Variants in MCM5 observed in about 807,000 individuals in gnomAD.
The protein encoded by MCM5 is minichromosome maintenance complex component 5.
Under a neutral mutation model 79.9 loss-of-function variants are expected in MCM5, and 46 were observed. The observed-to-expected ratio is 0.58, with a 90% CI of 0.45 to 0.74. MCM5 has a LOEUF of 0.74. MCM5 is among the 30% of genes least tolerant of loss of function. MCM5 has a pLI of 0.00. For synonymous variants in MCM5, 404 were observed against 390.5 expected (o/e 1.03, Z -0.41); for missense variants, 883 against 1,017.0 (o/e 0.87, Z 1.79).
At chr22:35,410,528 G>T (rs1932347769) in intron 6 of MCM5, 2 of 543,720 alleles carry the variant, frequency 3.7e-6, no homozygotes, top group Non-Finnish European at 6.8e-6. Flanking sequence ...GTCACTGTGG[G>T]CAACACCATC....
At chr22:35,401,839 C>CG (rs1289108118) in intron 2 of MCM5, 6 of 387,132 alleles carry the variant, frequency 1.5e-5, no homozygotes, top group South Asian at 3.8e-5. Flanking sequence ...GGAAGTTTTC[C>CG]GGGGGGCTGA....
chr22:35,400,641 G>C (rs781583954), intron 2 of MCM5, 36 bp downstream of exon 2: 2 of 1,547,856 alleles, frequency 1.3e-6, no homozygotes, highest in Non-Finnish European at 1.7e-6. Context: ...TCGAGTTCCA[G>C]TGTGGCCGCT....
the MCM5 span, among the ~76,000 whole-genome samples, chr22:35,453,815 TATATAGAGAG>T: frequency 2.2e-5 from 2 of 89,190 alleles, no homozygotes. Context: ...TATATATATA[TATATAGAGAG>T]AGAGAGAGAG....
At chr22:35,431,488 A>G in the MCM5 span, among the ~76,000 whole-genome samples, 1 of 152,172 alleles carries the variant, frequency 6.6e-6, no homozygotes, top group African/African-American at 2.4e-5. Context: ...TGGGTAGCGC[A>G]TGGGTGAAAA....
chr22:35,444,198 A>AAG, the MCM5 span, among the ~76,000 whole-genome samples: 10 of 150,428 alleles, frequency 6.6e-5, no homozygotes, highest in African/African-American at 2.5e-4. Context: ...GAACAGAGAA[A>AAG]AGAGAGAGGA....
chr22:35,400,713 G>A, intron 2 of MCM5, 108 bp downstream of exon 2: 1 of 1,270,208 alleles, frequency 7.9e-7, no homozygotes, highest in South Asian at 1.5e-5. Flanking sequence ...GCCCAGACGG[G>A]GGAAAGAGCC....
At chr22:35,436,164 CAAAA>C in the MCM5 span, among the ~76,000 whole-genome samples, 8 of 61,072 alleles carry the variant, frequency 1.3e-4, no homozygotes, top group Non-Finnish European at 2.9e-4. Context: ...AACTCAGTCT[CAAAA>C]AAAAAAAAAA....
At chr22:35,425,913 A>G (rs756626414), downstream of MCM5, among the ~76,000 whole-genome samples, 9 of 152,100 alleles carry the variant, frequency 5.9e-5, no homozygotes, top group Non-Finnish European at 1.3e-4. Flanking sequence ...CAAGTGTCAC[A>G]GTGAGGGAGT....
the MCM5 span, among the ~76,000 whole-genome samples, chr22:35,450,193 C>T: frequency 5.3e-5 from 8 of 152,052 alleles, no homozygotes; most frequent in Non-Finnish European, 7.4e-5. Flanking sequence ...GGGACTGTCA[C>T]GAGAATTAGA....
chr22:35,401,591 C>T (rs1307669154), intron 2 of MCM5: 2 of 470,758 alleles, frequency 4.2e-6, no homozygotes, highest in Non-Finnish European at 8.8e-6. Flanking sequence ...TGAGTGACTT[C>T]CAGGTGTCAG....
chr22:35,425,156 G>A lies in MCM5; in HGVS notation c.*901G>A, dbSNP rs555030474. The stretch of plus-strand genomic sequence containing the variant: ...GCTGGAGGAAGGAGTGTTGCCAAGT[G>A]CCTCGGTCACTTTGCCTAATTTCAG... On this transcript the variant is annotated 3_prime_UTR_variant, in exon 17 of 17. Transcript: ENST00000216122. The A allele has an allele frequency of 1.2e-4, 19 of 152,332 alleles. No homozygotes were observed. Among genetic ancestry groups the A allele is most frequent in the Admixed American group, 3.9e-4 (6 of 15,302 alleles). 9.4% of individuals were successfully genotyped at this position (152,332 alleles called of 1,614,324 possible). A position where few individuals can be genotyped will look rare whatever the true frequency, so the allele number is the denominator to read the frequency against.
At chr22:35,415,085 G>A (rs1022462016) in intron 9 of MCM5, among the ~76,000 whole-genome samples, 9 of 152,038 alleles carry the variant, frequency 5.9e-5, no homozygotes, top group African/African-American at 1.7e-4. Context: ...AGCTGGGTGC[G>A]GTTGTGTGCA....
rs1191386424 is a variant in MCM5 at position 35,421,445 on chromosome 22, T to C, written c.1960T>C (p.Ser654Pro). The C allele has an allele frequency of 6.2e-7, 1 of 1,614,008 alleles. No individual in the cohort carries two copies. Among genetic ancestry groups the C allele is most frequent in the African/African-American group, 1.3e-5 (1 of 74,944 alleles). ...AGTGTCCACGTTGGATGCTGCCTTG[T>C]CCGGTACCCTGTCAGGTGAGCAGAT... is the stretch of plus-strand genomic sequence containing the variant. ...FQVSTLDAAL[S>P]GTLSGVEGFT... The change falls in exon 15 of 17, where the codon TCC becomes CCC. Residue 654 changes from serine (S) to proline (P), a missense_variant. This residue lies in a region of MCM5 where 426 missense variants were observed against 482.3 expected (regional missense o/e 0.88). Coordinates refer to ENST00000216122, the MANE Select transcript of MCM5 (RefSeq NM_006739.4).
At position 35,401,211 on chromosome 22, in the gene MCM5, C is replaced by G. The variant is rs187365437; in HGVS notation, c.167+606C>G. ...AGCAACCAGCTAGCGCCACTTGGAC[C>G]GTTTAGTTCTTTATCCAGATCTTGT... On this transcript the variant is annotated intron_variant, in intron 2 of 16. Coordinates refer to ENST00000216122, the MANE Select transcript of MCM5 (RefSeq NM_006739.4). 1.3e-3 allele frequency among the ~76,000 whole-genome samples: 197 copies of G among 152,302 alleles called. 1 individual carries two copies. Among genetic ancestry groups the G allele is most frequent in the African/African-American group, 4.5e-3 (189 of 41,572 alleles).
At chr22:35,409,874 G>T (rs757873782) in intron 6 of MCM5, 7 of 152,222 alleles carry the variant, frequency 4.6e-5, no homozygotes, top group Non-Finnish European at 1.0e-4. Flanking sequence ...ATCTCTCAGA[G>T]GGCTGCTTGA....
At chr22:35,414,881 G>T (rs1932495109) in intron 9 of MCM5, among the ~76,000 whole-genome samples, 1 of 152,148 alleles carries the variant, frequency 6.6e-6, no homozygotes. Context: ...TTGTTGAATG[G>T]GTCTGCGGGG....
intron 5 of MCM5, 57 bp from the exon 6 acceptor site, chr22:35,408,351 C>T (rs1027129375): frequency 1.3e-6 from 2 of 1,540,004 alleles, no homozygotes; most frequent in African/African-American, 1.4e-5. Context: ...GATGAATGAG[C>T]CCTGCCTTTG....
At chr22:35,428,096 C>G (rs1932789890), downstream of MCM5, among the ~76,000 whole-genome samples, 1 of 150,786 alleles carries the variant, frequency 6.6e-6, no homozygotes, top group Non-Finnish European at 1.5e-5. Context: ...TCTCGGCTCA[C>G]TGCAACCTCC....
rs1233787900 is a variant in MCM5, at chr22:35,416,829, AG to A, written c.1590+18del. ...AGAGGGATGTGGTACGTCCAGGGGC[AG>A]GGCTGGTGGCCATGGGACCTGCCTC... is the stretch of plus-strand genomic sequence containing the variant. On this transcript the variant is annotated intron_variant, in intron 12 of 16. Coordinates refer to ENST00000216122, the MANE Select transcript of MCM5 (RefSeq NM_006739.4). 6.2e-7 allele frequency: 1 copy of A among 1,610,460 alleles called. No homozygotes were observed. Among genetic ancestry groups the A allele is most frequent in the South Asian group, 1.1e-5 (1 of 90,992 alleles).
Sources: gnomAD v4.1 joint callset for allele counts (sites outside exome capture counted in the v4.1 genomes callset) on GRCh38, gnomAD v4.1.1 for gene constraint, gnomAD v4.1.1 regional missense constraint, MANE v1.5 for transcripts, NCBI Gene and HGNC (gene_info 2026-07-23, HGNC 2026-07-21) for gene names.